The following P2RX7 variants were observed in gnomAD, a reference collection of about 807,000 sequenced individuals.
P2RX7 encodes P2X purinoceptor 7.
A neutral mutation model predicts 71.6 loss-of-function variants in P2RX7; 62 were observed. The observed-to-expected ratio is 0.87, with a 90% CI of 0.71 to 1.07. The LOEUF (loss-of-function observed/expected upper bound fraction) is 1.07. P2RX7 is among the 50% of genes least tolerant of loss of function. The probability of loss-of-function intolerance (pLI) is 0.00; values close to 1 mark genes in which losing one functional copy is unlikely to be tolerated. For synonymous variants in P2RX7, 299 were observed against 283.3 expected, an observed-to-expected ratio of 1.06 and a Z score of -0.56; for missense variants, 686 against 748.5, an observed-to-expected ratio of 0.92 and a Z score of 0.97.
intron 9 of P2RX7, 97 bp from the exon 10 acceptor site, chr12:121,177,050 G>A: frequency 2.9e-6 from 3 of 1,026,574 alleles, no homozygotes; most frequent in Non-Finnish European, 4.5e-6. Flanking sequence ...GTCACAGCAT[G>A]AGGCTCCGCT....
At chr12:121,178,305 TATGGTAAATCCATAGAAAGG>T (rs1257993431) in intron 11 of P2RX7, among the ~76,000 whole-genome samples, 1 of 152,164 alleles carries the variant, frequency 6.6e-6, no homozygotes, top group East Asian at 1.9e-4. Flanking sequence ...ATGGTGAAAC[TATGGTAAATCCATAGAAAGG>T]AATACCAGGC....
chr12:121,155,269 T>C, intron 2 of P2RX7: 2 of 1,338,870 alleles, frequency 1.5e-6, no homozygotes, highest in African/African-American at 1.5e-5. Flanking sequence ...GCCAGCAAGG[T>C]CTGCCGAGAT....
Position 121,156,181 on chromosome 12 carries a change from T to G in P2RX7, c.363+34T>G, listed in dbSNP as rs113367055. The G allele has an allele frequency of 5.2e-4, 811 of 1,566,686 alleles. 4 individuals carry two copies. The African/African-American group carries it at 7.8e-3, about 15-fold the overall frequency. ...GGGACCTGGAGTGGTGGGTCAGGTC[T>G]TAAGAGTTCCTGGGGGAGGTGCAAG... is the stretch of plus-strand genomic sequence containing the variant. On this transcript the variant is annotated intron_variant, in intron 3 of 12. Coordinates refer to ENST00000328963, the MANE Select transcript of P2RX7 (RefSeq NM_002562.6).
At position 121,187,778 on chromosome 12, in the gene P2RX7, C is replaced by T. The variant is rs926169658; in HGVS notation, c.*2976C>T. ...TCACCGCCAAAGGTGATGAGAGTCA[C>T]GTTTTGTAGGATCTGTTTTCTTATA... is the stretch of plus-strand genomic sequence containing the variant. On this transcript the variant is annotated 3_prime_UTR_variant, in exon 13 of 13. Transcript: ENST00000328963. 2 of 152,128 alleles carry T rather than the reference C, an allele frequency of 1.3e-5. No homozygotes were observed. The highest frequency in any genetic ancestry group is 2.1e-4 in the South Asian group (1 of 4,826). The allele number at this position is 152,128 out of a possible 1,614,324, so 9.4% of individuals were successfully genotyped here.
At chr12:121,181,324 A>AAT (rs1162965144) in intron 12 of P2RX7, among the ~76,000 whole-genome samples, 3 of 152,214 alleles carry the variant, frequency 2.0e-5, no homozygotes, top group African/African-American at 7.2e-5. Flanking sequence ...ACATTTGGGT[A>AAT]GTGTCCAGTT....
chr12:121,139,568 C>T (rs1317663535), intron 1 of P2RX7, among the ~76,000 whole-genome samples: 1 of 152,160 alleles, frequency 6.6e-6, no homozygotes, highest in African/African-American at 2.4e-5. Context: ...TAAAATGGAG[C>T]TCCTGGCTGG....
At chr12:121,155,991 A>C in intron 2 of P2RX7, 88 bp from the exon 3 acceptor site, 1 of 1,167,554 alleles carries the variant, frequency 8.6e-7, no homozygotes. Context: ...AGAAAAGTGG[A>C]GAGGTTCGCC....
chr12:121,165,407 A>G lies in P2RX7; in HGVS notation c.584A>G (p.Asn195Ser), dbSNP rs1175849932. Residue 195 changes from asparagine (N) to serine (S), a missense_variant, in exon 6 of 13, where the codon AAT becomes AGT. Asn to Ser is a conservative substitution (Grantham distance 46). Transcript: ENST00000328963. Reference sequence around the variant, plus strand: ...AACTTCACTGTGCTCATCAAGAACAATATCGACTTCCCCGGCCACAACTAC... The same window carrying G: ...AACTTCACTGTGCTCATCAAGAACAGTATCGACTTCCCCGGCCACAACTAC... ...AENFTVLIKN[N>S]IDFPGHNYTT... The G allele has an allele frequency of 1.2e-6, 2 of 1,614,088 alleles. No individual in the cohort carries two copies. Among genetic ancestry groups the G allele is most frequent in the East Asian group, 4.5e-5 (2 of 44,884 alleles).
chr12:121,137,006 G>C (rs1873858086), intron 1 of P2RX7, among the ~76,000 whole-genome samples: 1 of 152,090 alleles, frequency 6.6e-6, no homozygotes, highest in Non-Finnish European at 1.5e-5. Context: ...ATTACTATGA[G>C]AACACCTTGT....
intron 1 of P2RX7, among the ~76,000 whole-genome samples, chr12:121,137,338 A>G (rs977833154): frequency 6.6e-6 from 1 of 152,136 alleles, no homozygotes; most frequent in Admixed American, 6.5e-5. Context: ...AAACTGTAAA[A>G]ACAGCAACTT....
chr12:121,157,661 A>G lies in P2RX7; in HGVS notation c.363+1514A>G, dbSNP rs539413166. On this transcript the variant is annotated intron_variant, in intron 3 of 12. Transcript: ENST00000328963. ...CACTTTTGGACTTATTGAGACTTGG[A>G]AGAAAAAGAGTTAGGATAGCCCAGA... Among the ~76,000 whole-genome samples the G allele has an allele frequency of 2.0e-5, 3 of 152,296 alleles. No homozygotes were observed. The South Asian group carries it at 6.2e-4, about 32-fold the overall frequency.
At chr12:121,167,151 C>T (rs1881236925) in intron 7 of P2RX7, among the ~76,000 whole-genome samples, 1 of 151,850 alleles carries the variant, frequency 6.6e-6, no homozygotes, top group African/African-American at 2.4e-5. Context: ...TGATAGAGTG[C>T]CCTGAATTCC....
rs200743882 is a variant in P2RX7, at chr12:121,160,979, C to A, written c.436+5C>A. 32 of 1,610,782 alleles carry A rather than the reference C, an allele frequency of 2.0e-5. No homozygotes were observed. The South Asian group carries it at 2.5e-4, about 13-fold the overall frequency. On this transcript the variant is annotated splice_donor_5th_base_variant and intron_variant, in intron 4 of 12. Coordinates refer to ENST00000328963, the MANE Select transcript of P2RX7 (RefSeq NM_002562.6). ...GGATGGACCCGCAGAGCAAAGGTAC[C>A]TTCTGTTTCTTTTCCCGAGACCCTA...
intron 1 of P2RX7, among the ~76,000 whole-genome samples, chr12:121,136,023 A>AAAAATATATATAT: frequency 2.0e-4 from 3 of 15,258 alleles, no homozygotes; most frequent in African/African-American, 3.7e-4. Flanking sequence ...AAAAAAAAAA[A>AAAAATATATATAT]ATATATATAT....
In P2RX7 at chr12:121,166,108, A is replaced by G; in HGVS notation, c.665A>G (p.Gln222Arg). 6.2e-7 allele frequency: 1 copy of G among 1,613,820 alleles called. No individual in the cohort carries two copies. ...ATCACTTGTACCTTCCACAAGACTCAGAATCCACAGTGTCCCATTTTCCGA... is the reference window on the plus strand; with the variant it reads ...ATCACTTGTACCTTCCACAAGACTCGGAATCCACAGTGTCCCATTTTCCGA... ...LNITCTFHKT[Q>R]NPQCPIFRLG... The change falls in exon 7 of 13, where the codon CAG becomes CGG. Residue 222 changes from glutamine to arginine, a missense_variant. By Grantham distance (43) the Gln-to-Arg change is conservative (BLOSUM62 1). Transcript: ENST00000328963.
In P2RX7 at chr12:121,156,063, C is replaced by T. The variant is rs767346273; in HGVS notation, c.295-16C>T. On this transcript the variant is annotated splice_polypyrimidine_tract_variant and intron_variant, in intron 2 of 12. Coordinates refer to ENST00000328963, the MANE Select transcript of P2RX7 (RefSeq NM_002562.6). The stretch of plus-strand genomic sequence containing the variant: ...TTCAAAGGCCTTGCATTTTCTTAGC[C>T]TCTCCTTCTCCACAGGGGAACTCTT... The T allele has an allele frequency of 3.1e-6, 5 of 1,611,224 alleles. No individual in the cohort carries two copies. Among genetic ancestry groups the T allele is most frequent in the Non-Finnish European group, 4.2e-6 (5 of 1,177,378 alleles).
At chr12:121,159,417 CAAA>C (rs397850013) in intron 3 of P2RX7, among the ~76,000 whole-genome samples, 8 of 65,752 alleles carry the variant, frequency 1.2e-4, no homozygotes, top group Admixed American at 1.9e-4. Context: ...ACTCTGTCTC[CAAA>C]AAAAAAAAAA....
rs1034901186 is a variant in P2RX7, at chr12:121,166,050, A to G, written c.615-8A>G. ...TTTGTTTGTTTGTTTGCTTTTAATT[A>G]TGCACAGGAGAAACATCCTGCCAGG... On this transcript the variant is annotated splice_region_variant and splice_polypyrimidine_tract_variant and intron_variant, in intron 6 of 12. Coordinates refer to ENST00000328963, the MANE Select transcript of P2RX7 (RefSeq NM_002562.6). 1 of 1,611,260 alleles carries G rather than the reference A, an allele frequency of 6.2e-7. No homozygotes were observed. Among genetic ancestry groups the G allele is most frequent in the East Asian group, 2.2e-5 (1 of 44,836 alleles).
intron 5 of P2RX7, among the ~76,000 whole-genome samples, chr12:121,162,977 G>A (rs962293641): frequency 7.4e-6 from 1 of 135,804 alleles, no homozygotes; most frequent in Non-Finnish European, 1.6e-5. Flanking sequence ...GGGTAAAAGA[G>A]GGGGGGAAGG....
Sources: gnomAD v4.1 joint callset for allele counts (sites outside exome capture counted in the v4.1 genomes callset) on GRCh38, gnomAD v4.1.1 for gene constraint, MANE v1.5 for transcripts, NCBI Gene and HGNC (gene_info 2026-07-23, HGNC 2026-07-21) for gene names.